The following ADAMTSL3 variants were observed in gnomAD, a reference collection of about 807,000 sequenced individuals.
ADAMTSL3 encodes the protein ADAMTS like 3.
ADAMTSL3 carries 128 observed loss-of-function variants against 201.7 expected under a neutral mutation model. That is an observed-to-expected ratio of 0.63 (90% CI 0.55 to 0.73). The LOEUF (loss-of-function observed/expected upper bound fraction) is 0.73, where lower values mean the gene tolerates loss of function less well. Among genes scored for constraint, ADAMTSL3 ranks in the 30% least tolerant of loss-of-function variants. The pLI is 0.00. For synonymous variants in ADAMTSL3, 738 were observed against 748.4 expected, an observed-to-expected ratio of 0.99 and a Z score of 0.23; for missense variants, 1,990 against 2,119.6, an observed-to-expected ratio of 0.94 and a Z score of 1.20.
At chr15:83,813,799 T>C (rs1470027655) in intron 5 of ADAMTSL3, among the ~76,000 whole-genome samples, 1 of 152,208 alleles carries the variant, frequency 6.6e-6, no homozygotes, top group Admixed American at 6.5e-5. Flanking sequence ...AGCCAGAGAC[T>C]GGCCCCTGAG....
At chr15:83,819,400 T>G (rs1434190510) in intron 5 of ADAMTSL3, among the ~76,000 whole-genome samples, 1 of 152,124 alleles carries the variant, frequency 6.6e-6, no homozygotes, top group Non-Finnish European at 1.5e-5. Context: ...ATGAAGACCT[T>G]GAATCCTTGA....
chr15:83,798,625 G>T (rs1457664660), intron 4 of ADAMTSL3, among the ~76,000 whole-genome samples: 1 of 151,948 alleles, frequency 6.6e-6, no homozygotes, highest in East Asian at 1.9e-4. Flanking sequence ...GACCAACATG[G>T]TGAAACCCCG....
chr15:83,798,834 A>AT (rs2063474449), intron 4 of ADAMTSL3, among the ~76,000 whole-genome samples: 6 of 151,180 alleles, frequency 4.0e-5, no homozygotes, highest in South Asian at 2.1e-4. Context: ...ACAAAAAAAA[A>AT]GGACAATAAC....
intron 16 of ADAMTSL3, among the ~76,000 whole-genome samples, chr15:83,922,758 T>C (rs1183597604): frequency 6.6e-6 from 1 of 152,202 alleles, no homozygotes; most frequent in African/African-American, 2.4e-5. Context: ...ATTTTAGAAG[T>C]ATTTTTGGCC....
intron 2 of ADAMTSL3, among the ~76,000 whole-genome samples, chr15:83,669,172 G>T (rs1003656331): frequency 1.3e-5 from 2 of 152,132 alleles, no homozygotes; most frequent in African/African-American, 4.8e-5. Context: ...TTTAGACGGA[G>T]TCTCACTCGG....
chr15:83,659,053 T>G (rs2061129838), intron 2 of ADAMTSL3, among the ~76,000 whole-genome samples: 1 of 152,210 alleles, frequency 6.6e-6, no homozygotes. Context: ...TGAATGGCCC[T>G]CCACCGTGTT....
At chr15:83,926,984 C>T (rs143822524) in intron 17 of ADAMTSL3, among the ~76,000 whole-genome samples, 24 of 152,266 alleles carry the variant, frequency 1.6e-4, no homozygotes, top group Middle Eastern at 3.4e-3. Flanking sequence ...TATCAGTTCA[C>T]CTCTACTGTC....
At chr15:83,715,949 G>A (rs2062011716) in intron 3 of ADAMTSL3, among the ~76,000 whole-genome samples, 1 of 152,210 alleles carries the variant, frequency 6.6e-6, no homozygotes, top group South Asian at 2.1e-4. Context: ...AGTTTTCAGT[G>A]AAGTCCTCAG....
intron 4 of ADAMTSL3, among the ~76,000 whole-genome samples, chr15:83,792,481 T>C (rs955725247): frequency 6.6e-6 from 1 of 152,146 alleles, no homozygotes; most frequent in Non-Finnish European, 1.5e-5. Context: ...AGTATAAGCG[T>C]TCCTCAAGAT....
chr15:84,027,872 A>G (rs1171094621), intron 27 of ADAMTSL3, among the ~76,000 whole-genome samples: 1 of 152,220 alleles, frequency 6.6e-6, no homozygotes, highest in Non-Finnish European at 1.5e-5. Context: ...TGGTGAGTAG[A>G]TGAGCTGTGG....
chr15:83,697,252 A>G (rs1456053760), intron 2 of ADAMTSL3, among the ~76,000 whole-genome samples: 1 of 152,186 alleles, frequency 6.6e-6, no homozygotes, highest in Non-Finnish European at 1.5e-5. Flanking sequence ...ACAAAACACT[A>G]AAGTGCTTTT....
chr15:83,878,940 A>T (rs1215932836), intron 9 of ADAMTSL3, among the ~76,000 whole-genome samples: 1 of 152,092 alleles, frequency 6.6e-6, no homozygotes. Flanking sequence ...AGAATTATGC[A>T]TTTAATGTCT....
chr15:83,690,335 C>T (rs886742020), intron 2 of ADAMTSL3, among the ~76,000 whole-genome samples: 2 of 152,176 alleles, frequency 1.3e-5, no homozygotes, highest in Non-Finnish European at 2.9e-5. Flanking sequence ...CCCATGCCTA[C>T]CTCTCCAACT....
chr15:83,750,183 C>T (rs1445031755), intron 3 of ADAMTSL3, among the ~76,000 whole-genome samples: 1 of 152,182 alleles, frequency 6.6e-6, no homozygotes, highest in Non-Finnish European at 1.5e-5. Flanking sequence ...TATTACAAGC[C>T]TAAGGGTTTT....
At chr15:83,975,329 C>T (rs1301605315) in intron 20 of ADAMTSL3, among the ~76,000 whole-genome samples, 2 of 152,022 alleles carry the variant, frequency 1.3e-5, no homozygotes, top group Non-Finnish European at 2.9e-5. Context: ...CTCCAGCCTC[C>T]TACACACCTC....
At chr15:83,754,392 G>T (rs2062686576) in intron 3 of ADAMTSL3, among the ~76,000 whole-genome samples, 1 of 152,094 alleles carries the variant, frequency 6.6e-6, no homozygotes, top group African/African-American at 2.4e-5. Flanking sequence ...TTCTTGGCAA[G>T]CGTTCACCGG....
chr15:83,654,556 T>G lies in ADAMTSL3; in HGVS notation c.-34+280T>G, dbSNP rs1236236676. Reference sequence around the variant, plus strand: ...GGGGCGTTCTTGATTATGGGGGAACTCCACAGGGTTGGAGTTTTTCAGGAT... The same window carrying G: ...GGGGCGTTCTTGATTATGGGGGAACGCCACAGGGTTGGAGTTTTTCAGGAT... On this transcript the variant is annotated intron_variant, in intron 1 of 29. Coordinates refer to ENST00000286744, the MANE Select transcript of ADAMTSL3 (RefSeq NM_207517.3). This position sits in a 1 kb window ranked among gnomAD's most constrained non-coding sequence, Gnocchi z 5.3. Among the ~76,000 whole-genome samples the G allele has an allele frequency of 6.6e-6, 1 of 152,022 alleles. No individual in the cohort carries two copies. The highest frequency in any genetic ancestry group is 2.4e-5 in the African/African-American group (1 of 41,398).
At chr15:83,736,290 A>G (rs1035420148) in intron 3 of ADAMTSL3, among the ~76,000 whole-genome samples, 2 of 152,252 alleles carry the variant, frequency 1.3e-5, no homozygotes, top group Non-Finnish European at 2.9e-5. Flanking sequence ...TGTCAAAGAA[A>G]ATAAAATATT....
intron 3 of ADAMTSL3, among the ~76,000 whole-genome samples, chr15:83,747,680 C>A (rs1269775724): frequency 6.6e-6 from 1 of 152,090 alleles, no homozygotes. Flanking sequence ...CCTAACTGTT[C>A]ATCATAGGTC....
Sources: allele counts gnomAD v4.1 joint callset (sites outside exome capture counted in the v4.1 genomes callset), GRCh38; gene constraint gnomAD v4.1.1; non-coding constraint Gnocchi (gnomAD v3.1); transcripts MANE v1.5; gene names NCBI Gene and HGNC (gene_info 2026-07-23, HGNC 2026-07-21).